The following RNGTT variants were observed in gnomAD, a reference collection of about 807,000 sequenced individuals.
RNGTT encodes the protein RNA guanylyltransferase and 5'-phosphatase, also known as mRNA-capping enzyme.
Under a neutral mutation model 79.3 loss-of-function variants are expected in RNGTT, and 33 were observed. The ratio of observed to expected loss-of-function variants is 0.42; its 90% confidence interval spans 0.32 to 0.56. The LOEUF (loss-of-function observed/expected upper bound fraction) is 0.56. Ranked by LOEUF, RNGTT falls within the 20% of genes least tolerant of loss-of-function variation. RNGTT has a pLI of 0.17. For synonymous variants in RNGTT, 222 were observed against 235.9 expected (o/e 0.94, Z 0.54); for missense variants, 497 against 739.1 (o/e 0.67, Z 3.80).
intron 13 of RNGTT, among the ~76,000 whole-genome samples, chr6:88,713,061 T>C (rs1417232679): frequency 6.6e-6 from 1 of 152,186 alleles, no homozygotes; most frequent in African/African-American, 2.4e-5. Flanking sequence ...TATCTATATG[T>C]TATGGGCTGC....
intron 13 of RNGTT, among the ~76,000 whole-genome samples, chr6:88,740,875 C>T (rs542432745): frequency 1.3e-4 from 20 of 152,026 alleles, no homozygotes; most frequent in Admixed American, 4.6e-4. Context: ...ACACGCATTC[C>T]GGAACTTAAA....
chr6:88,933,486 T>C (rs1784571790), intron 2 of RNGTT, among the ~76,000 whole-genome samples: 1 of 144,494 alleles, frequency 6.9e-6, no homozygotes, highest in Admixed American at 6.7e-5. Flanking sequence ...TGAGATCAGT[T>C]TTTTTTTTTT....
chr6:88,703,569 A>G (rs1776015879), intron 13 of RNGTT, among the ~76,000 whole-genome samples: 2 of 152,198 alleles, frequency 1.3e-5, no homozygotes, highest in African/African-American at 4.8e-5. Flanking sequence ...CAAGGGTTGA[A>G]AAACTGTTGG....
chr6:88,731,296 A>G (rs1374094927), intron 13 of RNGTT, among the ~76,000 whole-genome samples: 6 of 152,300 alleles, frequency 3.9e-5, no homozygotes, highest in East Asian at 1.9e-4. Flanking sequence ...CCTCAAACTA[A>G]AGGCCAATCT....
intron 13 of RNGTT, among the ~76,000 whole-genome samples, chr6:88,748,283 AAT>A: frequency 6.6e-6 from 1 of 152,092 alleles, no homozygotes; most frequent in East Asian, 1.9e-4. Context: ...AAGATGAGAT[AAT>A]ACAGGGCCCG....
At chr6:88,961,341 ATGTG>A (rs557479580) in intron 1 of RNGTT, among the ~76,000 whole-genome samples, 1 of 150,984 alleles carries the variant, frequency 6.6e-6, no homozygotes, top group Non-Finnish European at 1.5e-5. Flanking sequence ...GTGTGTATGT[ATGTG>A]TGTGTGTGTA....
intron 8 of RNGTT, among the ~76,000 whole-genome samples, chr6:88,868,365 T>C (rs957441020): frequency 6.6e-6 from 1 of 152,162 alleles, no homozygotes; most frequent in Non-Finnish European, 1.5e-5. Context: ...CTGACATGCT[T>C]CAAAATATAA....
intron 14 of RNGTT, among the ~76,000 whole-genome samples, chr6:88,645,744 G>T (rs1242646326): frequency 1.3e-5 from 2 of 152,122 alleles, no homozygotes; most frequent in Non-Finnish European, 2.9e-5. Context: ...ACAAAAACAA[G>T]AAATGAGGAA....
At chr6:88,742,857 T>C (rs1295970329) in intron 13 of RNGTT, among the ~76,000 whole-genome samples, 1 of 152,190 alleles carries the variant, frequency 6.6e-6, no homozygotes, top group Non-Finnish European at 1.5e-5. Flanking sequence ...AAATAGAATG[T>C]TACCCCTATT....
chr6:88,644,996 T>C (rs1345477270), intron 14 of RNGTT, among the ~76,000 whole-genome samples: 1 of 152,180 alleles, frequency 6.6e-6, no homozygotes, highest in Non-Finnish European at 1.5e-5. Flanking sequence ...TTGGAAGTTC[T>C]GGCCAGGGCA....
At chr6:88,744,540 A>G (rs1777599009) in intron 13 of RNGTT, among the ~76,000 whole-genome samples, 1 of 152,182 alleles carries the variant, frequency 6.6e-6, no homozygotes, top group Non-Finnish European at 1.5e-5. Context: ...TATAACAGGC[A>G]TGAGCCACCG....
chr6:88,696,641 G>A (rs959369150), intron 13 of RNGTT, among the ~76,000 whole-genome samples: 3 of 139,360 alleles, frequency 2.2e-5, no homozygotes, highest in African/African-American at 5.3e-5. Flanking sequence ...CACAAAATGT[G>A]TAAAGTGCAT....
intron 1 of RNGTT, among the ~76,000 whole-genome samples, chr6:88,945,750 T>C (rs1582162052): frequency 6.6e-6 from 1 of 152,178 alleles, no homozygotes; most frequent in Non-Finnish European, 1.5e-5. Context: ...GTGAGGGCCA[T>C]GTATCTGGAT....
At chr6:88,748,893 C>T (rs1422087757) in intron 13 of RNGTT, among the ~76,000 whole-genome samples, 1 of 151,712 alleles carries the variant, frequency 6.6e-6, no homozygotes, top group Admixed American at 6.6e-5. Context: ...AAATCCATAC[C>T]GAGGCTCATC....
intron 8 of RNGTT, among the ~76,000 whole-genome samples, chr6:88,871,647 G>A (rs1044067438): frequency 6.6e-6 from 1 of 152,180 alleles, no homozygotes; most frequent in Non-Finnish European, 1.5e-5. Context: ...TCAGGCAGCT[G>A]TGAGAACCCA....
chr6:88,633,423 A>G (rs1772980634), intron 14 of RNGTT, among the ~76,000 whole-genome samples: 1 of 152,156 alleles, frequency 6.6e-6, no homozygotes, highest in Non-Finnish European at 1.5e-5. Flanking sequence ...CCCTCTGGAT[A>G]GCCAGTTCTT....
intron 13 of RNGTT, among the ~76,000 whole-genome samples, chr6:88,711,712 C>T (rs1048020561): frequency 1.3e-5 from 2 of 152,164 alleles, no homozygotes; most frequent in African/African-American, 2.4e-5. Context: ...AATACATGAA[C>T]ATAGCAACCA....
chr6:88,776,226 C>T (rs1778874014), intron 12 of RNGTT, among the ~76,000 whole-genome samples: 1 of 151,904 alleles, frequency 6.6e-6, no homozygotes, highest in Non-Finnish European at 1.5e-5. Flanking sequence ...CGATAATAGC[C>T]ATCTTAATAT....
chr6:88,840,334 CAAT>C (rs1280032567), intron 11 of RNGTT, among the ~76,000 whole-genome samples: 1 of 152,058 alleles, frequency 6.6e-6, no homozygotes, highest in Non-Finnish European at 1.5e-5. Flanking sequence ...GGACAAAAAA[CAAT>C]AATAAGAACT....
Sources: gnomAD v4.1 joint callset for allele counts (sites outside exome capture counted in the v4.1 genomes callset) on GRCh38, gnomAD v4.1.1 for gene constraint, MANE v1.5 for transcripts, NCBI Gene and HGNC (gene_info 2026-07-23, HGNC 2026-07-21) for gene names.